Variants in RIN3 observed in about 807,000 individuals in gnomAD.
RIN3 encodes RAB5 interacting protein 3.
RIN3 carries 54 observed loss-of-function variants against 76.3 expected under a neutral mutation model. That is an observed-to-expected ratio of 0.71 (90% confidence interval 0.57 to 0.89). The LOEUF is 0.89. RIN3 is among the 40% of genes least tolerant of loss of function. The pLI, the probability that RIN3 is intolerant of heterozygous loss-of-function variation, is 0.00. For synonymous variants in RIN3, 576 were observed against 564.0 expected (o/e 1.02, Z -0.30); for missense variants, 1,256 against 1,322.1 (o/e 0.95, Z 0.78).
chr14:92,662,400 A>G (rs1438354779), intron 7 of RIN3, among the ~76,000 whole-genome samples: 1 of 152,236 alleles, frequency 6.6e-6, no homozygotes, highest in Non-Finnish European at 1.5e-5. Context: ...GGGATCATGG[A>G]AGAGCAAGGT....
chr14:92,686,843 C>T (rs985090241), intron 9 of RIN3: 1 of 152,460 alleles, frequency 6.6e-6, no homozygotes, highest in Non-Finnish European at 1.5e-5. Flanking sequence ...TGGATAGTGC[C>T]CTGGGAGGCC....
Position 92,513,827 on chromosome 14 carries a change from C to A in RIN3, c.-106C>A, listed in dbSNP as rs1183544762. ...AGCGCGGCGGCAGCGGCGGCCTGGC[C>A]CTTCCAGAGGGCCAGAGCCAGGGAC... On this transcript the variant is annotated 5_prime_UTR_variant, in exon 1 of 10. Coordinates refer to ENST00000216487, the MANE Select transcript of RIN3 (RefSeq NM_024832.5). 1.3e-6 allele frequency: 1 copy of A among 740,834 alleles called. No individual in the cohort carries two copies. The highest frequency in any genetic ancestry group is 3.5e-5 in the East Asian group (1 of 28,182). The allele number at this position is 740,834 out of a possible 1,614,324, so 45.9% of individuals were successfully genotyped here.
intron 4 of RIN3, among the ~76,000 whole-genome samples, chr14:92,620,880 A>G (rs928634575): frequency 1.3e-5 from 2 of 152,234 alleles, no homozygotes; most frequent in African/African-American, 2.4e-5. Flanking sequence ...CACATGGCCA[A>G]TAAGTACTCC....
intron 1 of RIN3, among the ~76,000 whole-genome samples, chr14:92,543,849 T>C (rs930641052): frequency 2.0e-5 from 3 of 152,030 alleles, no homozygotes; most frequent in African/African-American, 7.3e-5. Context: ...GGGTGTTTTA[T>C]TGGCACATCT....
chr14:92,530,038 C>T (rs1008803450), intron 1 of RIN3, among the ~76,000 whole-genome samples: 1 of 152,188 alleles, frequency 6.6e-6, no homozygotes, highest in Non-Finnish European at 1.5e-5. Context: ...AGCAATGATT[C>T]AGTATTCGCT....
intron 7 of RIN3, among the ~76,000 whole-genome samples, chr14:92,664,481 C>A (rs1888009746): frequency 6.6e-6 from 1 of 150,386 alleles, no homozygotes; most frequent in African/African-American, 2.4e-5. Context: ...CATTCTCCTG[C>A]CCCAGCCTCC....
Position 92,652,415 on chromosome 14 carries a change from C to G in RIN3, c.1366C>G (p.Pro456Ala). ...AGAGCTGCCCAGGACAGCCAAACAA[C>G]CCCCAGTCCCGCCCCCCAGGAAAAA... is the stretch of plus-strand genomic sequence containing the variant. The part of the protein sequence containing the change: ...MPELPRTAKQ[P>A]PVPPPRKKRI... Residue 456 changes from proline (P) to alanine (A), a missense_variant, in exon 6 of 10, where the codon CCC (proline) becomes GCC (alanine). By Grantham distance (27) the Pro-to-Ala change is conservative. Coordinates refer to ENST00000216487, the MANE Select transcript of RIN3 (RefSeq NM_024832.5). This position sits in a 1 kb window ranked among gnomAD's most constrained non-coding sequence, Gnocchi z 6.4. The G allele has an allele frequency of 1.2e-6, 2 of 1,613,064 alleles. No individual in the cohort carries two copies. Among genetic ancestry groups the G allele is most frequent in the Non-Finnish European group, 1.7e-6 (2 of 1,179,568 alleles).
At chr14:92,590,926 A>G (rs1207968086) in intron 3 of RIN3, among the ~76,000 whole-genome samples, 4 of 152,186 alleles carry the variant, frequency 2.6e-5, no homozygotes, top group Non-Finnish European at 5.9e-5. Context: ...ACATTTGGCC[A>G]TCAAGAGAAA....
chr14:92,633,179 G>A (rs1216374988), intron 4 of RIN3, among the ~76,000 whole-genome samples: 1 of 152,166 alleles, frequency 6.6e-6, no homozygotes, highest in South Asian at 2.1e-4. Flanking sequence ...AGATGCCGGG[G>A]TTTCCATCCT....
At chr14:92,657,665 C>CT (rs1374744429) in intron 6 of RIN3, among the ~76,000 whole-genome samples, 31 of 138,066 alleles carry the variant, frequency 2.2e-4, no homozygotes, top group Middle Eastern at 3.3e-3. Context: ...CAAGTCCCTG[C>CT]TCCCAGGTCA....
intron 3 of RIN3, among the ~76,000 whole-genome samples, chr14:92,594,147 A>C (rs1181905536): frequency 6.6e-6 from 1 of 151,980 alleles, no homozygotes; most frequent in African/African-American, 2.4e-5. Context: ...AAGGCTTGCA[A>C]TCAGGCCAGG....
intron 2 of RIN3, chr14:92,576,286 T>G: frequency 7.8e-7 from 1 of 1,289,562 alleles, no homozygotes; most frequent in South Asian, 1.2e-5. Context: ...CTCCCCATGC[T>G]TGCCTTCGGG....
intron 3 of RIN3, among the ~76,000 whole-genome samples, chr14:92,582,447 T>A (rs1036281346): frequency 4.0e-4 from 54 of 135,882 alleles, no homozygotes; most frequent in African/African-American, 1.4e-3. Context: ...TTTTACTTTT[T>A]TTTTTTTTTT....
chr14:92,539,214 A>C (rs1213544061), intron 1 of RIN3, among the ~76,000 whole-genome samples: 1 of 151,726 alleles, frequency 6.6e-6, no homozygotes, highest in Non-Finnish European at 1.5e-5. Context: ...CTTTCATATG[A>C]CTGTTGTAAT....
chr14:92,561,647 A>G (rs1008377114), intron 2 of RIN3, among the ~76,000 whole-genome samples: 1 of 152,166 alleles, frequency 6.6e-6, no homozygotes, highest in African/African-American at 2.4e-5. Context: ...ATCTTGATAC[A>G]TTAGTATTAA....
intron 3 of RIN3, among the ~76,000 whole-genome samples, chr14:92,596,791 G>C (rs184315323): frequency 6.6e-5 from 10 of 152,296 alleles, no homozygotes; most frequent in African/African-American, 2.4e-4. Context: ...GGTGAGGAAG[G>C]GTCACTCAAC....
chr14:92,632,496 A>G (rs111382593), intron 4 of RIN3, among the ~76,000 whole-genome samples: 38 of 152,310 alleles, frequency 2.5e-4, no homozygotes, highest in African/African-American at 9.1e-4. Context: ...CCTGGCATGA[A>G]GTAAGGGCTC....
At chr14:92,561,042 A>ATATATATATAGATATATATATAT in intron 2 of RIN3, among the ~76,000 whole-genome samples, 1 of 19,372 alleles carries the variant, frequency 5.2e-5, no homozygotes, top group Non-Finnish European at 1.0e-4. Flanking sequence ...AAAAAAAAAA[A>ATATATATATAGATATATATATAT]AAATATATAT....
intron 4 of RIN3, among the ~76,000 whole-genome samples, chr14:92,627,321 T>G (rs1886392210): frequency 6.6e-6 from 1 of 152,208 alleles, no homozygotes; most frequent in Admixed American, 6.5e-5. Context: ...TCTGGCCACT[T>G]CCTTCACAGG....
Sources: gnomAD v4.1 joint callset for allele counts (sites outside exome capture counted in the v4.1 genomes callset) on GRCh38, gnomAD v4.1.1 for gene constraint, Gnocchi (gnomAD v3.1) non-coding constraint, MANE v1.5 for transcripts, NCBI Gene and HGNC (gene_info 2026-07-23, HGNC 2026-07-21) for gene names.